Variants in SSPN observed in about 807,000 individuals in gnomAD.
SSPN encodes the protein sarcospan.
Under a neutral mutation model 19.1 loss-of-function variants are expected in SSPN, and 15 were observed. The observed-to-expected ratio is 0.78, with a 90% CI of 0.52 to 1.21. SSPN has a LOEUF of 1.21. Ranked by LOEUF, SSPN falls within the 50% of genes most tolerant of loss-of-function variation. The probability of loss-of-function intolerance (pLI) is 0.00; values close to 1 mark genes in which losing one functional copy is unlikely to be tolerated. For synonymous variants in SSPN, 147 were observed against 140.3 expected (o/e 1.05, Z -0.34); for missense variants, 291 against 314.0 (o/e 0.93, Z 0.55).
chr12:26,137,848 G>A (rs184656513), intron 1 of SSPN, among the ~76,000 whole-genome samples: 1 of 150,728 alleles, frequency 6.6e-6, no homozygotes, highest in African/African-American at 2.4e-5. Context: ...TTGTATTTTA[G>A]TAGAGACGGG....
At chr12:26,142,946 A>C (rs1008974763) in intron 1 of SSPN, among the ~76,000 whole-genome samples, 3 of 152,178 alleles carry the variant, frequency 2.0e-5, no homozygotes, top group African/African-American at 7.2e-5. Context: ...GTTGCTTTTC[A>C]CTTTACTGTA....
intron 1 of SSPN, chr12:26,211,395 A>T (rs1484520657): frequency 1.3e-5 from 2 of 152,168 alleles, no homozygotes; most frequent in African/African-American, 4.8e-5. Flanking sequence ...GGTTTTCTGT[A>T]AATTGATGAA....
In SSPN at chr12:26,232,620, A is replaced by C; in HGVS notation, c.*1544A>C. On this transcript the variant is annotated 3_prime_UTR_variant, in exon 3 of 3. Coordinates refer to ENST00000242729, the MANE Select transcript of SSPN (RefSeq NM_005086.5). ...TCTTAGAAGAAAGTGGAATAATTCCACTGATTGTGATAATGGTTTCAATTT... is the reference window on the plus strand; with the variant it reads ...TCTTAGAAGAAAGTGGAATAATTCCCCTGATTGTGATAATGGTTTCAATTT... The C allele has an allele frequency of 1.0e-6, 1 of 985,336 alleles. No homozygotes were observed. Among genetic ancestry groups the C allele is most frequent in the Non-Finnish European group, 1.2e-6 (1 of 829,852 alleles). 61.0% of individuals were successfully genotyped at this position (985,336 alleles called of 1,614,324 possible).
At chr12:26,172,507 A>C (rs1944659564) in intron 1 of SSPN, among the ~76,000 whole-genome samples, 1 of 152,226 alleles carries the variant, frequency 6.6e-6, no homozygotes, top group Non-Finnish European at 1.5e-5. Flanking sequence ...GATATAACTC[A>C]TTTGTATTAT....
At position 26,233,355 on chromosome 12, in the gene SSPN, T is replaced by TACAC. The variant is rs550069444; in HGVS notation, c.*2293_*2296dup. The TACAC allele has an allele frequency of 2.0e-5, 3 of 146,540 alleles. No individual in the cohort carries two copies. Among genetic ancestry groups the TACAC allele is most frequent in the Admixed American group, 6.7e-5 (1 of 14,876 alleles). The allele number at this position is 146,540 out of a possible 1,614,324, so 9.1% of individuals were successfully genotyped here. ...AGATATATATATATATATATACACATACACACACACACACACATATATACT... is the reference window on the plus strand; with the variant it reads ...AGATATATATATATATATATACACATACACACACACACACACACACATATATACT... On this transcript the variant is annotated 3_prime_UTR_variant, in exon 3 of 3. Transcript: ENST00000242729. This position sits in a 1 kb window ranked among gnomAD's most constrained non-coding sequence, Gnocchi z 4.3.
intron 1 of SSPN, among the ~76,000 whole-genome samples, chr12:26,151,583 G>A (rs534385665): frequency 4.4e-4 from 67 of 152,050 alleles, no homozygotes; most frequent in Non-Finnish European, 6.6e-4. Flanking sequence ...GAGTTCTTGG[G>A]AGTAAATCAG....
intron 1 of SSPN, among the ~76,000 whole-genome samples, chr12:26,162,008 G>C (rs1436403261): frequency 6.6e-6 from 1 of 152,158 alleles, no homozygotes; most frequent in African/African-American, 2.4e-5. Flanking sequence ...CAGTGGTCTA[G>C]AATAGCATCT....
Position 26,172,235 on chromosome 12 carries a change from T to C in SSPN, c.-31+50083T>C, listed in dbSNP as rs557891496. Among the ~76,000 whole-genome samples, 8 of 152,332 alleles carry C rather than the reference T, an allele frequency of 5.3e-5. No homozygotes were observed. The East Asian group carries it at 1.3e-3, about 26-fold the overall frequency. ...ATTCAGCGTAAAGTATACATTCACC[T>C]TAGAATTTTTTAAATGTGTATGAAA... On this transcript the variant is annotated intron_variant, in intron 1 of 2. Transcript: ENST00000538142.
At chr12:26,145,257 A>G (rs1944483248) in intron 1 of SSPN, among the ~76,000 whole-genome samples, 1 of 152,234 alleles carries the variant, frequency 6.6e-6, no homozygotes, top group Non-Finnish European at 1.5e-5. Flanking sequence ...TTTAAGGCCC[A>G]TCTTCACCAC....
At chr12:26,228,729 T>C (rs1233494050) in intron 2 of SSPN, among the ~76,000 whole-genome samples, 1 of 152,108 alleles carries the variant, frequency 6.6e-6, no homozygotes, top group African/African-American at 2.4e-5. Flanking sequence ...TTGAAGTCAG[T>C]AATCAAGCCT....
At chr12:26,201,202 T>C (rs1944882018) in intron 1 of SSPN, among the ~76,000 whole-genome samples, 1 of 150,632 alleles carries the variant, frequency 6.6e-6, no homozygotes, top group African/African-American at 2.4e-5. Context: ...CATGGCAATA[T>C]CCCATCTCTA....
chr12:26,215,902 A>G (rs562234816), intron 1 of SSPN, among the ~76,000 whole-genome samples: 1 of 152,370 alleles, frequency 6.6e-6, no homozygotes, highest in South Asian at 2.1e-4. Context: ...TGGGGAAACA[A>G]ATGGAGCCAA....
Position 26,203,751 on chromosome 12 carries a change from C to T in SSPN, c.279+7800C>T, listed in dbSNP as rs984532151. ...TAGACTGGGTGACTTAAACAGCAAA[C>T]ATTCATTTTCTCACAGTTCTGGAGA... On this transcript the variant is annotated intron_variant, in intron 1 of 2. Transcript: ENST00000242729. 2.0e-5 allele frequency among the ~76,000 whole-genome samples: 3 copies of T among 152,178 alleles called. No homozygotes were observed. In the South Asian group the frequency reaches 6.2e-4, roughly 32 times the overall value.
At chr12:26,157,573 T>A (rs901975060) in intron 1 of SSPN, among the ~76,000 whole-genome samples, 2 of 151,616 alleles carry the variant, frequency 1.3e-5, no homozygotes, top group Non-Finnish European at 2.9e-5. Flanking sequence ...TTGCTTCTTT[T>A]AAAAAAAAAT....
intron 2 of SSPN, 42 bp from the exon 3 acceptor site, chr12:26,230,669 T>C: frequency 6.4e-7 from 1 of 1,552,962 alleles, no homozygotes; most frequent in Non-Finnish European, 8.7e-7. Context: ...CATCATCCAA[T>C]GTTCTTTGTA....
rs1473385578 is a variant in SSPN at position 26,195,899 on chromosome 12, G to A, written c.227G>A (p.Ser76Asn). ...ACCGTGGTGGGCTTCCTCATGGCGAGCATCAGCTCCTCCCTGCTAGTCAGG... is the reference window on the plus strand; with the variant it reads ...ACCGTGGTGGGCTTCCTCATGGCGAACATCAGCTCCTCCCTGCTAGTCAGG... Reference protein sequence around the residue: ...AVTVVGFLMASISSSLLVRDT... With the variant: ...AVTVVGFLMANISSSLLVRDT... The change falls in exon 1 of 3, where the codon AGC becomes AAC. Residue 76 changes from serine (S) to asparagine (N), a missense_variant. Physicochemically the swap from Ser to Asn is conservative, Grantham distance 46 (BLOSUM62 1). Transcript: ENST00000242729. 1.4e-5 allele frequency: 22 copies of A among 1,578,288 alleles called. No individual in the cohort carries two copies. The highest frequency in any genetic ancestry group is 4.2e-5 in the African/African-American group (3 of 72,130).
At chr12:26,149,725 G>A (rs1944513716) in intron 1 of SSPN, among the ~76,000 whole-genome samples, 1 of 152,226 alleles carries the variant, frequency 6.6e-6, no homozygotes, top group South Asian at 2.1e-4. Context: ...CATGGAGCAT[G>A]TGCTGTAATT....
chr12:26,195,901 A>G lies in SSPN; in HGVS notation c.229A>G (p.Ile77Val). The G allele has an allele frequency of 6.3e-7, 1 of 1,578,872 alleles. No individual in the cohort carries two copies. Residue 77 changes from isoleucine (I) to valine (V), a missense_variant, in exon 1 of 3, where the codon ATC becomes GTC. By Grantham distance (29) the Ile-to-Val change is conservative (BLOSUM62 3). Transcript: ENST00000242729. Reference protein sequence around the residue: ...VTVVGFLMASISSSLLVRDTP... With the variant: ...VTVVGFLMASVSSSLLVRDTP... ...CGTGGTGGGCTTCCTCATGGCGAGC[A>G]TCAGCTCCTCCCTGCTAGTCAGGGA...
intron 1 of SSPN, among the ~76,000 whole-genome samples, chr12:26,204,389 C>T (rs141126737): frequency 9.5e-4 from 145 of 152,322 alleles, no homozygotes; most frequent in South Asian, 4.6e-3. Flanking sequence ...CTAAGGTTAA[C>T]TTAGGCATTT....
Sources: allele counts gnomAD v4.1 joint callset (sites outside exome capture counted in the v4.1 genomes callset), GRCh38; gene constraint gnomAD v4.1.1; non-coding constraint Gnocchi (gnomAD v3.1); transcripts MANE v1.5; gene names NCBI Gene and HGNC (gene_info 2026-07-23, HGNC 2026-07-21).